GTF3C2: variants seen among roughly 807,000 people sequenced by gnomAD.
GTF3C2 encodes the protein general transcription factor IIIC subunit 2.
In GTF3C2, 17 loss-of-function variants were observed where a neutral mutation model predicts 117.4. The observed-to-expected ratio is 0.14, with a 90% CI of 0.10 to 0.22. The LOEUF (loss-of-function observed/expected upper bound fraction) is 0.22, where lower values mean the gene tolerates loss of function less well. GTF3C2 is among the 10% of genes least tolerant of loss of function. The probability of loss-of-function intolerance (pLI) is 1.00; values close to 1 mark genes in which losing one functional copy is unlikely to be tolerated. For synonymous variants in GTF3C2, 437 were observed against 427.0 expected, an observed-to-expected ratio of 1.02 and a Z score of -0.29; for missense variants, 888 against 1,143.6, an observed-to-expected ratio of 0.78 and a Z score of 3.22.
chr2:27,330,244 G>A (rs1258914508), intron 12 of GTF3C2, among the ~76,000 whole-genome samples: 1 of 151,452 alleles, frequency 6.6e-6, no homozygotes, highest in Non-Finnish European at 1.5e-5. Context: ...GATCACTTGA[G>A]GTCAGGAGTT....
chr2:27,328,994 T>C, intron 14 of GTF3C2, 63 bp from the exon 15 acceptor site: 1 of 1,464,714 alleles, frequency 6.8e-7, no homozygotes, highest in Non-Finnish European at 9.6e-7. Context: ...CTTCTTAACC[T>C]CTTCCAGAAT....
chr2:27,327,508 T>TAG lies in GTF3C2; in HGVS notation c.2410-226_2410-225dup, dbSNP rs577448538. Among the ~76,000 whole-genome samples the TAG allele has an allele frequency of 5.2e-3, 782 of 151,446 alleles. 3 individuals are homozygous for TAG. The highest frequency in any genetic ancestry group is 0.018 in the African/African-American group (745 of 41,210). On this transcript the variant is annotated intron_variant, in intron 17 of 18. Transcript: ENST00000264720. ...CCCGGCAGATTTTTTGTATTTTTAG[T>TAG]AGACAGGGTTTCACCATGTTGGTCA...
At chr2:27,343,490 A>G (rs1680812390) in exon 2 of GTF3C2, 1 of 1,614,122 alleles carries the variant, frequency 6.2e-7, no homozygotes, top group Non-Finnish European at 8.5e-7. Context: ...AGAGTCTACC[A>G]CAGTCATGTT....
At chr2:27,337,761 A>G in intron 5 of GTF3C2, 165 bp downstream of exon 5, 1 of 698,352 alleles carries the variant, frequency 1.4e-6, no homozygotes, top group Non-Finnish European at 2.6e-6. Context: ...CTTTAATTAA[A>G]GAGTTCTAGA....
intron 1 of GTF3C2, among the ~76,000 whole-genome samples, chr2:27,345,966 T>C (rs1680902997): frequency 6.6e-6 from 1 of 151,260 alleles, no homozygotes; most frequent in East Asian, 2.0e-4. Context: ...CTGCCCACCT[T>C]GGCCCCGCAA....
rs200946262 is a variant in GTF3C2, at chr2:27,335,668, G to A, written c.1506C>T (p.Ala502=). The change falls in exon 10 of 19, where the codon GCC becomes GCT. Residue 502 remains alanine, a synonymous_variant. Coordinates refer to ENST00000264720, the Ensembl canonical transcript of GTF3C2. ...ATAGCAGTACTTTCCCGTCTGAGCA[G>A]GCCAGAGCCAAGAGACCCAACCGGG... The A allele has an allele frequency of 1.1e-4, 179 of 1,562,720 alleles. 3 individuals carry two copies. The East Asian group carries it at 4.1e-3, about 36-fold the overall frequency.
At chr2:27,356,367 A>G (rs1242904043) in intron 1 of GTF3C2, 1 of 320,716 alleles carries the variant, frequency 3.1e-6, no homozygotes, top group South Asian at 2.4e-5. Context: ...GTGAAGGTAG[A>G]TTTCTCCCCT....
chr2:27,348,270 G>GAA lies in GTF3C2; in HGVS notation c.-24-4694_-24-4693dup, dbSNP rs74532320. 6.4e-3 allele frequency among the ~76,000 whole-genome samples: 861 copies of GAA among 135,102 alleles called. 7 individuals carry two copies. The highest frequency in any genetic ancestry group is 0.024 in the East Asian group (109 of 4,620). 88.6% of individuals were successfully genotyped at this position (135,102 alleles called of 152,430 possible). A position where few individuals can be genotyped will look rare whatever the true frequency, so the allele number is the denominator to read the frequency against. On this transcript the variant is annotated intron_variant, in intron 1 of 18. Transcript: ENST00000264720. ...CGACAGAGCAGGACTCCGTCTGAGGGAAAAAAAAAAAAAAAACTAGCTGGG... is the reference window on the plus strand; with the variant it reads ...CGACAGAGCAGGACTCCGTCTGAGGGAAAAAAAAAAAAAAAAAACTAGCTGGG...
Position 27,333,910 on chromosome 2 carries a change from G to C in GTF3C2, c.1602+64C>G. ...CAGAAGTATAAGGAGACTCACTGTG[G>C]AATCAGCAAGGTGAGGCTCTAAGAA... On this transcript the variant is annotated intron_variant, in intron 11 of 18. Coordinates refer to ENST00000264720, the Ensembl canonical transcript of GTF3C2. 6 of 1,454,384 alleles carry C rather than the reference G, an allele frequency of 4.1e-6. No individual in the cohort carries two copies. In the South Asian group the frequency reaches 4.6e-5, roughly 11 times the overall value. The allele number at this position is 1,454,384 out of a possible 1,614,324, so 90.1% of individuals were successfully genotyped here. A position where few individuals can be genotyped will look rare whatever the true frequency, so the allele number is the denominator to read the frequency against.
At chr2:27,338,206 C>T (rs754286717) in intron 4 of GTF3C2, 186 bp from the exon 5 acceptor site, 79 of 586,756 alleles carry the variant, frequency 1.3e-4, no homozygotes, top group Non-Finnish European at 2.2e-4. Context: ...CTGCTCTACT[C>T]CTCCATCGAA....
At chr2:27,326,489 G>A (rs1453434788) in exon 19 of GTF3C2, 31 of 606,052 alleles carry the variant, frequency 5.1e-5, no homozygotes, top group Non-Finnish European at 5.7e-5. Context: ...CCCCCTGCCC[G>A]CAGGGGGCTG....
intron 1 of GTF3C2, among the ~76,000 whole-genome samples, chr2:27,353,407 A>C (rs1681208055): frequency 6.6e-6 from 1 of 151,616 alleles, no homozygotes; most frequent in African/African-American, 2.4e-5. Flanking sequence ...AGGAGCAAAC[A>C]ACCATCTATG....
intron 1 of GTF3C2, among the ~76,000 whole-genome samples, chr2:27,353,952 G>C (rs1681231747): frequency 6.6e-6 from 1 of 151,174 alleles, no homozygotes; most frequent in East Asian, 1.9e-4. Flanking sequence ...TCAAATTCCT[G>C]GGCTCAAGTG....
At chr2:27,353,094 T>C (rs1160493146) in intron 1 of GTF3C2, among the ~76,000 whole-genome samples, 2 of 152,186 alleles carry the variant, frequency 1.3e-5, no homozygotes, top group Non-Finnish European at 2.9e-5. Context: ...TATAAAATAC[T>C]ATAAAGATAG....
At chr2:27,335,028 A>G (rs1680410359) in intron 10 of GTF3C2, among the ~76,000 whole-genome samples, 1 of 152,090 alleles carries the variant, frequency 6.6e-6, no homozygotes, top group South Asian at 2.1e-4. Flanking sequence ...CCACTCCACC[A>G]GACCACCACA....
At chr2:27,351,735 G>A (rs1249392374) in intron 1 of GTF3C2, among the ~76,000 whole-genome samples, 1 of 152,116 alleles carries the variant, frequency 6.6e-6, no homozygotes, top group African/African-American at 2.4e-5. Flanking sequence ...AAAAATTCCA[G>A]ACAATGAAAT....
chr2:27,346,378 G>A (rs1680918583), intron 1 of GTF3C2, among the ~76,000 whole-genome samples: 3 of 91,162 alleles, frequency 3.3e-5, no homozygotes, highest in Admixed American at 3.0e-4. Flanking sequence ...TTGAGACAGA[G>A]TCTCATTCTG....
intron 7 of GTF3C2, 146 bp from the exon 8 acceptor site, chr2:27,336,571 T>C (rs1680486805): frequency 1.7e-6 from 1 of 600,672 alleles, no homozygotes; most frequent in Non-Finnish European, 3.0e-6. Flanking sequence ...ACAGAGTCCT[T>C]GGCTTCCACT....
intron 1 of GTF3C2, among the ~76,000 whole-genome samples, chr2:27,346,220 C>T (rs1330977602): frequency 2.7e-5 from 4 of 150,748 alleles, no homozygotes; most frequent in African/African-American, 2.4e-5. Context: ...GATGAGGTCT[C>T]ACTACGTTGC....
Sources: allele counts gnomAD v4.1 joint callset (sites outside exome capture counted in the v4.1 genomes callset), GRCh38; gene constraint gnomAD v4.1.1; transcripts MANE v1.5; gene names NCBI Gene and HGNC (gene_info 2026-07-23, HGNC 2026-07-21).